ANKS1B: variants seen among roughly 807,000 people sequenced by gnomAD.
ANKS1B encodes ankyrin repeat and sterile alpha motif domain-containing protein 1B.
In ANKS1B, 36 loss-of-function variants were observed where a neutral mutation model predicts 148.3. The ratio of observed to expected loss-of-function variants is 0.24; its 90% CI spans 0.19 to 0.32. The LOEUF (loss-of-function observed/expected upper bound fraction) is 0.32, where lower values mean the gene tolerates loss of function less well. ANKS1B is among the 10% of genes least tolerant of loss of function. The pLI is 1.00. For synonymous variants in ANKS1B, 542 were observed against 560.8 expected (o/e 0.97, Z 0.47); for missense variants, 1,157 against 1,542.6 (o/e 0.75, Z 4.19).
intron 10 of ANKS1B, among the ~76,000 whole-genome samples, chr12:99,458,421 A>G (rs990111147): frequency 1.3e-4 from 20 of 151,238 alleles, no homozygotes. Context: ...CCAAGATCGG[A>G]GCAGAACTAA....
intron 25 of ANKS1B, among the ~76,000 whole-genome samples, chr12:98,770,646 T>C (rs938040760): frequency 2.0e-5 from 3 of 152,126 alleles, no homozygotes; most frequent in African/African-American, 7.2e-5. Flanking sequence ...ATGATCATTC[T>C]TTCCCATTTT....
intron 1 of ANKS1B, among the ~76,000 whole-genome samples, chr12:99,968,631 G>T (rs2095519859): frequency 6.6e-6 from 1 of 152,212 alleles, no homozygotes; most frequent in Non-Finnish European, 1.5e-5. Context: ...TTGTGTGAAA[G>T]GAATGAGGAC....
At position 99,230,003 on chromosome 12, in the gene ANKS1B, G is replaced by A. The variant is rs1601872918; in HGVS notation, c.2419+14339C>T. Among the ~76,000 whole-genome samples the A allele has an allele frequency of 4.2e-5, 5 of 119,718 alleles. No homozygotes were observed. The East Asian group carries it at 7.3e-4, about 17-fold the overall frequency. 78.5% of individuals were successfully genotyped at this position (119,718 alleles called of 152,430 possible). ...TTTTCTTTTAAGAAAATAATAGATG[G>A]AAAAGAAAAGAGAAGTCCAAGGAAA... is the stretch of plus-strand genomic sequence containing the variant. On this transcript the variant is annotated intron_variant, in intron 14 of 26. Coordinates refer to ENST00000683438, the MANE Select transcript of ANKS1B (RefSeq NM_001352186.2).
chr12:99,875,358 T>C (rs1167558567), intron 1 of ANKS1B, among the ~76,000 whole-genome samples: 2 of 152,134 alleles, frequency 1.3e-5, no homozygotes, highest in Admixed American at 1.3e-4. Flanking sequence ...TTGAATCATT[T>C]AGATTTAACT....
At chr12:98,748,138 G>A (rs2097945931) in intron 26 of ANKS1B, among the ~76,000 whole-genome samples, 1 of 152,086 alleles carries the variant, frequency 6.6e-6, no homozygotes, top group Admixed American at 6.6e-5. Flanking sequence ...TTGAGGAGAT[G>A]GATATCTCAA....
At chr12:99,555,522 T>C (rs763527909) in intron 9 of ANKS1B, among the ~76,000 whole-genome samples, 13 of 152,224 alleles carry the variant, frequency 8.5e-5, no homozygotes, top group Non-Finnish European at 1.3e-4. Context: ...GTTTCAGTTC[T>C]CAAGGGTTAT....
intron 8 of ANKS1B, among the ~76,000 whole-genome samples, chr12:99,718,738 C>T (rs2153550105): frequency 6.6e-6 from 1 of 152,318 alleles, no homozygotes; most frequent in South Asian, 2.1e-4. Flanking sequence ...TTATTCTGTT[C>T]TGGATCTCAA....
intron 14 of ANKS1B, among the ~76,000 whole-genome samples, chr12:99,200,424 C>T (rs533269863): frequency 7.7e-4 from 117 of 152,256 alleles, no homozygotes; most frequent in African/African-American, 2.5e-3. Flanking sequence ...CTTTAGCATC[C>T]TGAAATTTAA....
intron 14 of ANKS1B, among the ~76,000 whole-genome samples, chr12:99,198,487 A>G (rs935521484): frequency 5.9e-5 from 9 of 152,232 alleles, no homozygotes; most frequent in African/African-American, 2.2e-4. Context: ...TAGTAGGTCA[A>G]TTGTCAAATA....
chr12:99,319,452 G>A (rs1435237680), intron 12 of ANKS1B, among the ~76,000 whole-genome samples: 1 of 152,118 alleles, frequency 6.6e-6, no homozygotes, highest in African/African-American at 2.4e-5. Context: ...TTTGATCTTT[G>A]TTGGTTTAAA....
intron 1 of ANKS1B, among the ~76,000 whole-genome samples, chr12:99,881,052 C>G (rs1285030601): frequency 6.6e-6 from 1 of 152,120 alleles, no homozygotes; most frequent in Non-Finnish European, 1.5e-5. Flanking sequence ...TGGAGAAGAC[C>G]AGAATTCAAA....
chr12:98,772,883 A>G, intron 25 of ANKS1B, 159 bp downstream of exon 25: 1 of 730,886 alleles, frequency 1.4e-6, no homozygotes, highest in Non-Finnish European at 2.1e-6. Flanking sequence ...GGTCTGTGGT[A>G]CTTTGTTATG....
intron 1 of ANKS1B, among the ~76,000 whole-genome samples, chr12:99,855,107 T>A (rs537920931): frequency 7.9e-5 from 12 of 152,208 alleles, no homozygotes; most frequent in African/African-American, 2.9e-4. Context: ...AGATACAGAA[T>A]TGCAGAATGG....
At chr12:99,085,053 A>G in intron 15 of ANKS1B, 30 bp from the exon 16 acceptor site, 1 of 1,535,210 alleles carries the variant, frequency 6.5e-7, no homozygotes, top group Non-Finnish European at 8.9e-7. Context: ...TTACAAGTTA[A>G]ATCAAGCATT....
downstream of ANKS1B, among the ~76,000 whole-genome samples, chr12:98,741,569 A>C (rs2097799206): frequency 6.6e-6 from 1 of 152,162 alleles, no homozygotes. Context: ...CCCTGAGATG[A>C]GGCACAGCCC....
chr12:98,956,485 T>G (rs950592137), intron 17 of ANKS1B: 3 of 152,130 alleles, frequency 2.0e-5, no homozygotes, highest in African/African-American at 7.2e-5. Context: ...ACCCAAAACT[T>G]GAGTTTGGCC....
intron 2 of ANKS1B, among the ~76,000 whole-genome samples, chr12:99,815,036 C>A (rs564555011): frequency 6.6e-6 from 1 of 151,564 alleles, no homozygotes; most frequent in Admixed American, 6.6e-5. Context: ...TTTCTTAATA[C>A]CTAAGGAAAT....
intron 9 of ANKS1B, among the ~76,000 whole-genome samples, chr12:98,737,717 G>A (rs995343015): frequency 5.9e-5 from 9 of 152,172 alleles, no homozygotes; most frequent in South Asian, 2.1e-4. Context: ...TTATCTTGCC[G>A]TTTTAGTTTG....
intron 1 of ANKS1B, among the ~76,000 whole-genome samples, chr12:99,839,777 T>C (rs1192593865): frequency 1.3e-5 from 2 of 152,152 alleles, no homozygotes; most frequent in African/African-American, 4.8e-5. Context: ...ACATGGCCCC[T>C]ACCAGGTGAA....
Sources: gnomAD v4.1 joint callset for allele counts (sites outside exome capture counted in the v4.1 genomes callset) on GRCh38, gnomAD v4.1.1 for gene constraint, MANE v1.5 for transcripts, NCBI Gene and HGNC (gene_info 2026-07-23, HGNC 2026-07-21) for gene names.